Variants in BAHD1 observed in about 807,000 individuals in gnomAD.
BAHD1 encodes bromo adjacent homology domain containing 1, also known as bromo adjacent homology domain-containing 1 protein.
A neutral mutation model predicts 63.1 loss-of-function variants in BAHD1; 20 were observed. The observed-to-expected ratio is 0.32, with a 90% confidence interval of 0.22 to 0.46. The LOEUF is 0.46. Ranked by LOEUF, BAHD1 falls within the 20% of genes least tolerant of loss-of-function variation. The probability of loss-of-function intolerance (pLI) is 1.00; values close to 1 mark genes in which losing one functional copy is unlikely to be tolerated. For missense variants in BAHD1, 939 were observed against 1,071.8 expected (o/e 0.88, Z 1.73); for synonymous variants, 408 against 426.8 (o/e 0.96, Z 0.54).
chr15:40,464,126 T>C (rs568365877), intron 4 of BAHD1, 106 bp downstream of exon 4: 1 of 1,317,910 alleles, frequency 7.6e-7, no homozygotes, highest in African/African-American at 1.5e-5. Flanking sequence ...AGTCTCCCCG[T>C]GTTCCTGGCA....
chr15:40,451,733 A>C (rs1335653089), intron 1 of BAHD1, among the ~76,000 whole-genome samples: 1 of 152,198 alleles, frequency 6.6e-6, no homozygotes, highest in Admixed American at 6.5e-5. Flanking sequence ...TGAATGGGCA[A>C]AGGTCACAAG....
At chr15:40,463,213 G>A (rs1894103542) in intron 3 of BAHD1, among the ~76,000 whole-genome samples, 1 of 152,124 alleles carries the variant, frequency 6.6e-6, no homozygotes. Flanking sequence ...TCTGAGGCAG[G>A]AGGATCACTT....
chr15:40,453,330 C>A (rs543108584), intron 1 of BAHD1: 9 of 152,232 alleles, frequency 5.9e-5, no homozygotes, highest in African/African-American at 2.2e-4. Flanking sequence ...ATAAGAATTT[C>A]AGCAGCTTCA....
rs1894169645 is a variant in BAHD1, at chr15:40,465,343, G to C, written c.2061G>C (p.Gln687His). ...ACCTGTCTCCCTTTGAGCCCTTGCA[G>C]AATGAAGTGTTTGCATCGCGACATC... The part of the protein sequence containing the change: ...GRSPSMHEPL[Q>H]NEVFASRHQD... The change falls in exon 6 of 7, where the codon CAG (glutamine) becomes CAC (histidine). Residue 687 changes from glutamine (Q) to histidine (H), a missense_variant. Transcript: ENST00000416165. 6.2e-7 allele frequency: 1 copy of C among 1,614,058 alleles called. No individual in the cohort carries two copies. Among genetic ancestry groups the C allele is most frequent in the Non-Finnish European group, 8.5e-7 (1 of 1,180,008 alleles).
In BAHD1 at chr15:40,458,168, C is replaced by T. The variant is rs1423200416; in HGVS notation, c.-14-283C>T. 1.3e-5 allele frequency among the ~76,000 whole-genome samples: 2 copies of T among 152,128 alleles called. No individual in the cohort carries two copies. Among genetic ancestry groups the T allele is most frequent in the African/African-American group, 4.8e-5 (2 of 41,406 alleles). On this transcript the variant is annotated intron_variant, in intron 1 of 6. Transcript: ENST00000416165. The surrounding 1 kb of genome is among the most constrained non-coding windows in gnomAD (Gnocchi z 4.7). The stretch of plus-strand genomic sequence containing the variant: ...GCCACCAGCTCCTCCTATCCCCTGT[C>T]CCTGGGGTCTGCCTTGCTCCCTAGG...
rs113127940 is a variant in BAHD1 at position 40,463,156 on chromosome 15, T to C, written c.1816-705T>C. On this transcript the variant is annotated intron_variant, in intron 3 of 6. Transcript: ENST00000416165. ...GTCTACAGAAAAAAAATTTTTTTAA[T>C]TAGCCAGGCATGGTAGCATGCATCT... is the stretch of plus-strand genomic sequence containing the variant. 6.4e-4 allele frequency among the ~76,000 whole-genome samples: 98 copies of C among 152,138 alleles called. 1 individual carries two copies. Among genetic ancestry groups the C allele is most frequent in the Non-Finnish European group, 2.2e-4 (15 of 68,010 alleles).
chr15:40,458,342 T>G lies in BAHD1; in HGVS notation c.-14-109T>G. ...AAATCCATACTGGAGACAGGGTAGT[T>G]GTAGGCCAGGATCACTGCACCTGGG... On this transcript the variant is annotated intron_variant, in intron 1 of 6. Coordinates refer to ENST00000416165, the MANE Select transcript of BAHD1 (RefSeq NM_014952.5). This position sits in a 1 kb window ranked among gnomAD's most constrained non-coding sequence, Gnocchi z 4.7. 1 of 1,413,332 alleles carries G rather than the reference T, an allele frequency of 7.1e-7. No individual in the cohort carries two copies. The highest frequency in any genetic ancestry group is 9.4e-7 in the Non-Finnish European group (1 of 1,059,838). 87.5% of individuals were successfully genotyped at this position (1,413,332 alleles called of 1,614,324 possible).
chr15:40,450,379 G>T (rs1171519082), intron 1 of BAHD1, among the ~76,000 whole-genome samples: 1 of 152,182 alleles, frequency 6.6e-6, no homozygotes, highest in Admixed American at 6.5e-5. Flanking sequence ...TTCTGTTCAG[G>T]ACTAGAGCTA....
chr15:40,459,623 G>A lies in BAHD1; in HGVS notation c.1159G>A (p.Gly387Arg), dbSNP rs1369860993. The A allele has an allele frequency of 2.0e-5, 32 of 1,614,146 alleles. No homozygotes were observed. Among genetic ancestry groups the A allele is most frequent in the South Asian group, 8.8e-5 (8 of 91,080 alleles). The change falls in exon 2 of 7, where the codon GGG (glycine) becomes AGG (arginine). Residue 387 changes from glycine to arginine, a missense_variant. This residue lies in a region of BAHD1 where 797 missense variants were observed against 813.3 expected (regional missense o/e 0.98). Coordinates refer to ENST00000416165, the MANE Select transcript of BAHD1 (RefSeq NM_014952.5). ...GSFYLYCGQE[G>R]LQCGGYSPCP... The stretch of plus-strand genomic sequence containing the variant: ...CTTCTACCTGTACTGTGGCCAAGAG[G>A]GGCTGCAGTGTGGGGGCTACTCGCC...
chr15:40,445,364 T>A (rs1226767568), intron 1 of BAHD1, among the ~76,000 whole-genome samples: 1 of 151,814 alleles, frequency 6.6e-6, no homozygotes, highest in Non-Finnish European at 1.5e-5. Flanking sequence ...CTGGAAGGAA[T>A]TCAGCCTCCT....
At position 40,465,321 on chromosome 15, in the gene BAHD1, T is replaced by C; in HGVS notation, c.2053-14T>C. 1.2e-6 allele frequency: 2 copies of C among 1,613,106 alleles called. No individual in the cohort carries two copies. Among genetic ancestry groups the C allele is most frequent in the Admixed American group, 1.7e-5 (1 of 60,020 alleles). ...TCCAGCCCTGGTAACAACCTCCACC[T>C]GTCTCCCTTTGAGCCCTTGCAGAAT... On this transcript the variant is annotated splice_polypyrimidine_tract_variant and intron_variant, in intron 5 of 6. Transcript: ENST00000416165.
At chr15:40,465,092 A>T (rs189956301) in intron 5 of BAHD1, 4 of 539,634 alleles carry the variant, frequency 7.4e-6, no homozygotes, top group Non-Finnish European at 1.3e-5. Flanking sequence ...GGGGTTTGGG[A>T]GGTCAGTGAC....
At chr15:40,465,868 G>C in intron 6 of BAHD1, 73 bp from the exon 7 acceptor site, 1 of 1,478,502 alleles carries the variant, frequency 6.8e-7, no homozygotes, top group Non-Finnish European at 9.1e-7. Context: ...GTCGGGTAGG[G>C]TAGGGTAGGG....
chr15:40,439,208 C>T (rs1384462246), upstream of BAHD1, among the ~76,000 whole-genome samples: 2 of 152,184 alleles, frequency 1.3e-5, no homozygotes, highest in Non-Finnish European at 2.9e-5. Flanking sequence ...CCTGGACCTT[C>T]GAGACATTTC....
intron 1 of BAHD1, among the ~76,000 whole-genome samples, chr15:40,456,865 C>A (rs1893864930): frequency 6.6e-6 from 1 of 152,200 alleles, no homozygotes; most frequent in African/African-American, 2.4e-5. Flanking sequence ...TGTCTGGCAC[C>A]TTACTTGCCA....
chr15:40,437,940 C>G (rs948186503), upstream of BAHD1, among the ~76,000 whole-genome samples: 1 of 152,200 alleles, frequency 6.6e-6, no homozygotes, highest in African/African-American at 2.4e-5. Context: ...GGGCATCTCC[C>G]TCTGAGGCAG....
chr15:40,465,915 A>T (rs1367757839), intron 6 of BAHD1, 26 bp from the exon 7 acceptor site: 1 of 1,541,438 alleles, frequency 6.5e-7, no homozygotes, highest in Non-Finnish European at 8.7e-7. Context: ...GCTGGAGTAA[A>T]GACAGTGAAT....
chr15:40,439,838 C>T (rs1893351977), upstream of BAHD1: 1 of 152,382 alleles, frequency 6.6e-6, no homozygotes, highest in African/African-American at 2.4e-5. Context: ...CTTCCCATCT[C>T]TCTCTGTGCC....
chr15:40,462,114 TAA>T lies in BAHD1; in HGVS notation c.1636_1637del (p.Lys546ValfsTer22). 6.2e-7 allele frequency: 1 copy of T among 1,613,046 alleles called. No individual in the cohort carries two copies. Among genetic ancestry groups the T allele is most frequent in the African/African-American group, 1.3e-5 (1 of 75,052 alleles). On this transcript the variant is annotated frameshift_variant, in exon 3 of 7. Coordinates refer to ENST00000416165, the MANE Select transcript of BAHD1 (RefSeq NM_014952.5). LOFTEE classifies it high-confidence loss of function. ...AGAGCGCCAAACCTCCCAGCGGTTC[TAA>T]GTCAGGTCTGCGCACAGGCTCCAGC... Reference protein sequence around the residue: ...PQSAKPPSGSKSGLRTGSSCR... With the variant: ...PQSAKPPSGSXSGLRTGSSCR...
Sources: allele counts gnomAD v4.1 joint callset (sites outside exome capture counted in the v4.1 genomes callset), GRCh38; gene constraint gnomAD v4.1.1; regional missense constraint gnomAD v4.1.1; non-coding constraint Gnocchi (gnomAD v3.1); transcripts MANE v1.5; gene names NCBI Gene and HGNC (gene_info 2026-07-23, HGNC 2026-07-21).